ARHGAP28: variants seen among roughly 807,000 people sequenced by gnomAD.
ARHGAP28 encodes rho GTPase-activating protein 28.
In ARHGAP28, 56 loss-of-function variants were observed where a neutral mutation model predicts 90.7. The ratio of observed to expected loss-of-function variants is 0.62; its 90% confidence interval spans 0.50 to 0.77. The LOEUF (loss-of-function observed/expected upper bound fraction) is 0.77, where lower values mean the gene tolerates loss of function less well. Among genes scored for constraint, ARHGAP28 ranks in the 30% least tolerant of loss-of-function variants. ARHGAP28 has a pLI of 0.00. For synonymous variants in ARHGAP28, 308 were observed against 323.3 expected, an observed-to-expected ratio of 0.95 and a Z score of 0.51; for missense variants, 869 against 900.9, an observed-to-expected ratio of 0.96 and a Z score of 0.45.
intron 1 of ARHGAP28, among the ~76,000 whole-genome samples, chr18:6,733,077 TTTA>T (rs768872199): frequency 3.7e-4 from 57 of 152,262 alleles, no homozygotes; most frequent in Non-Finnish European, 7.9e-4. Flanking sequence ...CTTACCTCAT[TTTA>T]TAAAATAGTT....
At position 6,887,562 on chromosome 18, in the gene ARHGAP28, C is replaced by T. The variant is rs1487465165; in HGVS notation, c.1536+323C>T. 2.6e-5 allele frequency among the ~76,000 whole-genome samples: 4 copies of T among 151,944 alleles called. No individual in the cohort carries two copies. In the East Asian group the frequency reaches 7.8e-4, roughly 30 times the overall value. On this transcript the variant is annotated intron_variant, in intron 12 of 17. Coordinates refer to ENST00000383472, the MANE Select transcript of ARHGAP28 (RefSeq NM_001366230.1). ...TCTCCCATCTCAGCCTTCCAAGTAG[C>T]TGGGACTACAGGTATGTGCCACCAC... is the stretch of plus-strand genomic sequence containing the variant.
At chr18:6,729,980 C>T (rs922411991) in intron 1 of ARHGAP28, 37 bp downstream of exon 1, 86 of 1,319,244 alleles carry the variant, frequency 6.5e-5, no homozygotes, top group Non-Finnish European at 7.3e-5. Context: ...GGCGCAGTCG[C>T]GCTGGGCTTG....
chr18:6,730,119 A>G (rs1005670033), intron 1 of ARHGAP28, 176 bp downstream of exon 1: 32 of 617,918 alleles, frequency 5.2e-5, no homozygotes, highest in Middle Eastern at 9.9e-4. Context: ...TGGAGGTGGG[A>G]AACGCTCGAA....
At chr18:6,878,353 G>C (rs192023143) in intron 10 of ARHGAP28, among the ~76,000 whole-genome samples, 1 of 123,046 alleles carries the variant, frequency 8.1e-6, no homozygotes, top group African/African-American at 3.1e-5. Context: ...TGTGGGGTGG[G>C]GGGAGGGGGG....
intron 1 of ARHGAP28, among the ~76,000 whole-genome samples, chr18:6,776,027 A>G (rs2056280516): frequency 6.6e-6 from 1 of 152,194 alleles, no homozygotes; most frequent in Non-Finnish European, 1.5e-5. Flanking sequence ...TAGCCTACCC[A>G]AGCAAGTAGG....
At chr18:6,899,197 G>A (rs1279014998) in intron 16 of ARHGAP28, among the ~76,000 whole-genome samples, 1 of 152,112 alleles carries the variant, frequency 6.6e-6, no homozygotes, top group African/African-American at 2.4e-5. Context: ...ACCCCCGTGT[G>A]TTTAAGTTAA....
chr18:6,778,399 G>T (rs905514243), intron 1 of ARHGAP28, among the ~76,000 whole-genome samples: 1 of 152,162 alleles, frequency 6.6e-6, no homozygotes, highest in African/African-American at 2.4e-5. Flanking sequence ...ACAAGGAGAA[G>T]AAATTGGTCA....
chr18:6,792,718 G>T (rs145559910), intron 1 of ARHGAP28, among the ~76,000 whole-genome samples: 3 of 152,204 alleles, frequency 2.0e-5, no homozygotes, highest in Non-Finnish European at 4.4e-5. Flanking sequence ...CGCAGTAATC[G>T]TGACCTCTGT....
intron 3 of ARHGAP28, among the ~76,000 whole-genome samples, chr18:6,849,101 TA>T (rs530564049): frequency 1.4e-3 from 215 of 149,726 alleles, no homozygotes; most frequent in African/African-American, 5.0e-3. Context: ...AAAAAAAAAT[TA>T]AAAAAATTAG....
intron 9 of ARHGAP28, 144 bp downstream of exon 9, chr18:6,873,919 T>C (rs2057110552): frequency 4.1e-6 from 3 of 738,742 alleles, no homozygotes; most frequent in Non-Finnish European, 6.8e-6. Context: ...TTTTCAGCTT[T>C]ATTCCATGCA....
intron 1 of ARHGAP28, among the ~76,000 whole-genome samples, chr18:6,749,270 T>C (rs144755702): frequency 2.2e-3 from 330 of 152,302 alleles, no homozygotes; most frequent in African/African-American, 7.7e-3. Flanking sequence ...TAATAGCATA[T>C]CTTATAGGAA....
intron 16 of ARHGAP28, among the ~76,000 whole-genome samples, chr18:6,901,771 C>T (rs1369596842): frequency 6.6e-6 from 1 of 151,920 alleles, no homozygotes; most frequent in African/African-American, 2.4e-5. Flanking sequence ...CCCAGTGCTG[C>T]CATAACAGAT....
intron 2 of ARHGAP28, among the ~76,000 whole-genome samples, chr18:6,826,117 G>T (rs79324565): frequency 1.2e-4 from 17 of 138,498 alleles, no homozygotes; most frequent in South Asian, 2.3e-4. Flanking sequence ...CATTGCCAGT[G>T]TTTTTTTTTT....
At chr18:6,799,959 A>G (rs1028504152) in intron 1 of ARHGAP28, among the ~76,000 whole-genome samples, 1 of 152,230 alleles carries the variant, frequency 6.6e-6, no homozygotes, top group Non-Finnish European at 1.5e-5. Flanking sequence ...TTTGCAATCT[A>G]TCCATCTGAC....
At chr18:6,892,102 A>T (rs1600294219) in intron 14 of ARHGAP28, among the ~76,000 whole-genome samples, 1 of 152,044 alleles carries the variant, frequency 6.6e-6, no homozygotes, top group African/African-American at 2.4e-5. Context: ...ATGAAATTTT[A>T]AAAAATTTGT....
At chr18:6,759,395 A>G (rs1163170885) in intron 1 of ARHGAP28, among the ~76,000 whole-genome samples, 1 of 152,206 alleles carries the variant, frequency 6.6e-6, no homozygotes. Flanking sequence ...TTATTATTTC[A>G]TATCTTTTCT....
intron 1 of ARHGAP28, among the ~76,000 whole-genome samples, chr18:6,734,336 T>G (rs1384911629): frequency 2.6e-5 from 4 of 152,324 alleles, no homozygotes; most frequent in Non-Finnish European, 5.9e-5. Flanking sequence ...AATGTTTTTT[T>G]TGTGAAGGTA....
intron 16 of ARHGAP28, among the ~76,000 whole-genome samples, chr18:6,903,584 G>A (rs1405862630): frequency 6.6e-6 from 1 of 152,032 alleles, no homozygotes; most frequent in Non-Finnish European, 1.5e-5. Context: ...TGTAATTCCA[G>A]CACTTTGGGA....
At chr18:6,759,699 C>T (rs544655829) in intron 1 of ARHGAP28, among the ~76,000 whole-genome samples, 5 of 152,316 alleles carry the variant, frequency 3.3e-5, no homozygotes, top group African/African-American at 9.6e-5. Context: ...GGAACACTTT[C>T]AGATTCCTAT....
Sources: allele counts gnomAD v4.1 joint callset (sites outside exome capture counted in the v4.1 genomes callset), GRCh38; gene constraint gnomAD v4.1.1; transcripts MANE v1.5; gene names NCBI Gene and HGNC (gene_info 2026-07-23, HGNC 2026-07-21).